Variants in GDF5 observed in about 807,000 individuals in gnomAD.
GDF5 encodes growth differentiation factor 5.
Under a neutral mutation model 34.6 loss-of-function variants are expected in GDF5, and 17 were observed. The observed-to-expected ratio is 0.49, with a 90% confidence interval of 0.34 to 0.74. The LOEUF is 0.74. Ranked by LOEUF, GDF5 falls within the 30% of genes least tolerant of loss-of-function variation. The pLI, the probability that GDF5 is intolerant of heterozygous loss-of-function variation, is 0.01. For missense variants in GDF5, 616 were observed against 661.2 expected, an observed-to-expected ratio of 0.93 and a Z score of 0.75; for synonymous variants, 332 against 290.7, an observed-to-expected ratio of 1.14 and a Z score of -1.44.
At position 35,434,640 on chromosome 20, in the gene GDF5, G is replaced by A; in HGVS notation, c.775C>T (p.Arg259Trp). The part of the protein sequence containing the change: ...TAKPAAPGGG[R>W]AAQLKLSSCP... ...CTGGACAGCTTCAGCTGGGCAGCCC[G>A]CCCGCCTCCGGGGGCCGCTGGCTTG... The change falls in exon 2 of 2, where the codon CGG becomes TGG. Residue 259 changes from arginine (R) to tryptophan (W), a missense_variant. Transcript: ENST00000374369. The A allele has an allele frequency of 2.5e-6, 4 of 1,608,112 alleles. No homozygotes were observed. Among genetic ancestry groups the A allele is most frequent in the Non-Finnish European group, 3.4e-6 (4 of 1,175,836 alleles).
At chr20:35,439,692 G>C (rs577512989), upstream of GDF5, among the ~76,000 whole-genome samples, 2 of 152,168 alleles carry the variant, frequency 1.3e-5, no homozygotes, top group South Asian at 2.1e-4. Context: ...GGGGAAAGCT[G>C]TTCGCTTCAC....
intron 1 of GDF5, among the ~76,000 whole-genome samples, chr20:35,448,448 CTTTTTTT>C (rs34209210): frequency 2.3e-5 from 2 of 86,762 alleles, no homozygotes; most frequent in East Asian, 3.9e-4. Context: ...GCCCCCCCGA[CTTTTTTT>C]TTTTTTTTTT....
chr20:35,446,313 AAAC>A (rs774549022), intron 1 of GDF5, among the ~76,000 whole-genome samples: 2 of 152,334 alleles, frequency 1.3e-5, no homozygotes, highest in South Asian at 2.1e-4. Context: ...TCCGTCTCAA[AAAC>A]AACAACAAAA....
At chr20:35,436,238 G>C (rs913202018) in intron 1 of GDF5, among the ~76,000 whole-genome samples, 3 of 152,080 alleles carry the variant, frequency 2.0e-5, no homozygotes, top group Admixed American at 2.0e-4. Flanking sequence ...TATTTTATGA[G>C]CCCCCAAGGG....
chr20:35,434,162 A>G lies in GDF5; in HGVS notation c.1253T>C (p.Ile418Thr). 1 of 1,614,158 alleles carries G rather than the reference A, an allele frequency of 6.2e-7. No individual in the cohort carries two copies. The highest frequency in any genetic ancestry group is 8.5e-7 in the Non-Finnish European group (1 of 1,180,024). ...NFKDMGWDDW[I>T]IAPLEYEAFH... is the part of the protein sequence containing the mutation. ...AGCCTCGTACTCAAGGGGTGCGATG[A>G]TCCAGTCGTCCCAGCCCATGTCCTT... is the stretch of plus-strand genomic sequence containing the variant. The change falls in exon 2 of 2, where the codon ATC becomes ACC. Residue 418 changes from isoleucine (I) to threonine (T), a missense_variant. By Grantham distance (89) the Ile-to-Thr change is moderately conservative. Coordinates refer to ENST00000374369, the MANE Select transcript of GDF5 (RefSeq NM_000557.5).
intron 1 of GDF5, among the ~76,000 whole-genome samples, chr20:35,452,462 G>A (rs1385377723): frequency 6.6e-6 from 1 of 152,186 alleles, no homozygotes; most frequent in East Asian, 1.9e-4. Flanking sequence ...CGCTCTTGTT[G>A]CCCAGGCTAG....
At position 35,448,413 on chromosome 20, in the gene GDF5, A is replaced by AAAAAAT. The variant is rs1236837477; in HGVS notation, c.-398+6226_-398+6227insATTTTT. Among the ~76,000 whole-genome samples, 122 of 96,498 alleles carry AAAAAAT rather than the reference A, an allele frequency of 1.3e-3. 1 individual carries two copies. The highest frequency in any genetic ancestry group is 4.8e-3 in the African/African-American group (120 of 24,812). The allele number at this position is 96,498 out of a possible 152,430, so 63.3% of individuals were successfully genotyped here. A position where few individuals can be genotyped will look rare whatever the true frequency, so the allele number is the denominator to read the frequency against. On this transcript the variant is annotated intron_variant, in intron 1 of 3. Coordinates refer to the GDF5 transcript ENST00000374372. ...TGTTTTTTTCAAAAAAAAAAAAAAA[A>AAAAAAT]ATATATATATATATATAGTTAAGGG... is the stretch of plus-strand genomic sequence containing the variant.
chr20:35,448,099 C>T (rs1003173864), intron 1 of GDF5, among the ~76,000 whole-genome samples: 1 of 152,014 alleles, frequency 6.6e-6, no homozygotes. Context: ...TCCCCTCTCC[C>T]CTCACACCCC....
chr20:35,452,720 C>A (rs1016316836), intron 1 of GDF5, among the ~76,000 whole-genome samples: 10 of 152,086 alleles, frequency 6.6e-5, no homozygotes, highest in African/African-American at 2.4e-4. Context: ...CCGCACCCGG[C>A]CGACTCCTCA....
At position 35,434,094 on chromosome 20, in the gene GDF5, G is replaced by T; in HGVS notation, c.1321C>A (p.Leu441Met). 1 of 1,614,124 alleles carries T rather than the reference G, an allele frequency of 6.2e-7. No individual in the cohort carries two copies. The highest frequency in any genetic ancestry group is 1.7e-5 in the Admixed American group (1 of 60,020). ...ATGACTGCATGATTCGTGGGCTCCA[G>T]GTGGGAGCGCAATGGGAACTCGCAC... ...GLCEFPLRSHLEPTNHAVIQT... is the reference protein window; with the variant it reads ...GLCEFPLRSHMEPTNHAVIQT... The change falls in exon 2 of 2, where the codon CTG becomes ATG. Residue 441 changes from leucine to methionine, a missense_variant. By Grantham distance (15) the Leu-to-Met change is conservative. Transcript: ENST00000374369.
In GDF5 at chr20:35,434,520, G is replaced by A. The variant is rs750476482; in HGVS notation, c.895C>T (p.Leu299Phe). ...GCCGAGTTCTTAAAGTTTCGGAAGA[G>A]CTTCCAGATGTCGAACACCTCCCAG... The part of the protein sequence containing the change: ...SGWEVFDIWK[L>F]FRNFKNSAQL... The change falls in exon 2 of 2, where the codon CTC becomes TTC. Residue 299 changes from leucine to phenylalanine, a missense_variant. Transcript: ENST00000374369. 1 of 1,604,718 alleles carries A rather than the reference G, an allele frequency of 6.2e-7. No individual in the cohort carries two copies. Among genetic ancestry groups the A allele is most frequent in the Non-Finnish European group, 8.5e-7 (1 of 1,174,676 alleles).
At chr20:35,438,247 G>A, upstream of GDF5, 1 of 428,280 alleles carries the variant, frequency 2.3e-6, no homozygotes, top group Non-Finnish European at 4.4e-6. Context: ...GCTTGAAGGA[G>A]GCTTGTATAA....
At chr20:35,437,235 G>T in intron 1 of GDF5, 63 bp downstream of exon 1, 2 of 1,193,578 alleles carry the variant, frequency 1.7e-6, no homozygotes, top group South Asian at 1.3e-5. Context: ...GGCTTTGAAA[G>T]CCCCTCCATT....
chr20:35,436,116 A>T (rs2062471669), intron 1 of GDF5, among the ~76,000 whole-genome samples: 1 of 152,152 alleles, frequency 6.6e-6, no homozygotes, highest in Admixed American at 6.5e-5. Flanking sequence ...CCTAAATTGC[A>T]ATTTGCCATT....
Position 35,437,564 on chromosome 20 carries a change from A to C in GDF5, c.365T>G (p.Val122Gly), listed in dbSNP as rs780890844. The change falls in exon 1 of 2, where the codon GTG (valine) becomes GGG (glycine). Residue 122 changes from valine to glycine, a missense_variant. By Grantham distance (109) the Val-to-Gly change is moderately radical. Transcript: ENST00000374369. ...PQTRQATART[V>G]TPKGQLPGGK... ...TCCGGGAAGCTGTCCTTTTGGGGTCACAGTCCGGGCTGTAGCCTGCCTTGT... is the reference window on the plus strand; with the variant it reads ...TCCGGGAAGCTGTCCTTTTGGGGTCCCAGTCCGGGCTGTAGCCTGCCTTGT... 2.5e-6 allele frequency: 4 copies of C among 1,614,078 alleles called. No homozygotes were observed. In the Admixed American group the frequency reaches 6.7e-5, roughly 27 times the overall value.
chr20:35,451,060 A>T (rs892143955), intron 1 of GDF5, among the ~76,000 whole-genome samples: 45,882 of 62,568 alleles, frequency 0.73, 14,854 homozygotes, highest in Non-Finnish European at 0.79. Context: ...AAAAAAAAAA[A>T]AAAAATATAT....
chr20:35,437,278 CT>C lies in GDF5; in HGVS notation c.631+19del, dbSNP rs751615772. 1.3e-6 allele frequency: 2 copies of C among 1,572,994 alleles called. No homozygotes were observed. The highest frequency in any genetic ancestry group is 1.1e-5 in the South Asian group (1 of 90,076). On this transcript the variant is annotated intron_variant, in intron 1 of 1. Coordinates refer to ENST00000374369, the MANE Select transcript of GDF5 (RefSeq NM_000557.5). ...ATGCCCCTCCCTCTGAGCCGTGCCC[CT>C]GCCACCCCGCCCCCTCACCTTGCCC...
In GDF5 at chr20:35,438,077, T is replaced by C. The variant is rs1297913862; in HGVS notation, c.-149A>G. 1.2e-6 allele frequency: 1 copy of C among 860,270 alleles called. No homozygotes were observed. The highest frequency in any genetic ancestry group is 2.6e-5 in the East Asian group (1 of 37,944). The allele number at this position is 860,270 out of a possible 1,614,324, so 53.3% of individuals were successfully genotyped here. On this transcript the variant is annotated 5_prime_UTR_variant, in exon 1 of 2. Transcript: ENST00000374369. Reference sequence around the variant, plus strand: ...AGAAGGAAAGGCTTTCTCCTCAGTCTGAGACTCTTGAAGTCTGCCGGGTGT... The same window carrying C: ...AGAAGGAAAGGCTTTCTCCTCAGTCCGAGACTCTTGAAGTCTGCCGGGTGT...
Position 35,438,041 on chromosome 20 carries a change from G to T in GDF5, c.-113C>A. 8.4e-7 allele frequency: 1 copy of T among 1,192,330 alleles called. No individual in the cohort carries two copies. The highest frequency in any genetic ancestry group is 1.2e-6 in the Non-Finnish European group (1 of 823,308). 73.9% of individuals were successfully genotyped at this position (1,192,330 alleles called of 1,614,324 possible). A position where few individuals can be genotyped will look rare whatever the true frequency, so the allele number is the denominator to read the frequency against. On this transcript the variant is annotated 5_prime_UTR_variant, in exon 1 of 2. It adds an upstream start codon to the 5' untranslated region. Transcript: ENST00000374369. Reference sequence around the variant, plus strand: ...TGGACTTTCAAAAGCAGCGGCAGCAGCAGTAGCAGCAGAAGGAAAGGCTTT... The same window carrying T: ...TGGACTTTCAAAAGCAGCGGCAGCATCAGTAGCAGCAGAAGGAAAGGCTTT...
Sources: gnomAD v4.1 joint callset for allele counts (sites outside exome capture counted in the v4.1 genomes callset) on GRCh38, gnomAD v4.1.1 for gene constraint, MANE v1.5 for transcripts, NCBI Gene and HGNC (gene_info 2026-07-23, HGNC 2026-07-21) for gene names.